The following ANK2 variants were observed in gnomAD, a reference collection of about 807,000 sequenced individuals.
ANK2 encodes ankyrin-2.
Under a neutral mutation model 360.5 loss-of-function variants are expected in ANK2, and 83 were observed. The ratio of observed to expected loss-of-function variants is 0.23; its 90% CI spans 0.19 to 0.28. The LOEUF (loss-of-function observed/expected upper bound fraction) is 0.28, where lower values mean the gene tolerates loss of function less well. Ranked by LOEUF, ANK2 falls within the 10% of genes least tolerant of loss-of-function variation. ANK2 has a pLI of 1.00. For synonymous variants in ANK2, 1,740 were observed against 1,759.5 expected (o/e 0.99, Z 0.28); for missense variants, 4,201 against 4,795.7 (o/e 0.88, Z 3.66).
In ANK2 at chr4:113,382,158, A is replaced by C. The variant is rs539141259; in HGVS notation, c.*687A>C. The C allele has an allele frequency of 6.0e-6, 1 of 167,274 alleles. No individual in the cohort carries two copies. Among genetic ancestry groups the C allele is most frequent in the East Asian group, 1.5e-4 (1 of 6,538 alleles). 10.4% of individuals were successfully genotyped at this position (167,274 alleles called of 1,614,324 possible). ...AATTAAGATATTGCTAACACAATCG[A>C]GTGATAATACAGTTTTACTGCAAAA... On this transcript the variant is annotated 3_prime_UTR_variant, in exon 46 of 46. Coordinates refer to ENST00000357077, the MANE Select transcript of ANK2 (RefSeq NM_001148.6).
At chr4:113,246,917 G>A (rs1322721241) in intron 9 of ANK2, among the ~76,000 whole-genome samples, 2 of 152,152 alleles carry the variant, frequency 1.3e-5, no homozygotes, top group African/African-American at 4.8e-5. Context: ...GGAGAAATTA[G>A]TTTCAGCAGA....
chr4:112,993,281 C>CA (rs578134772), intron 2 of ANK2, among the ~76,000 whole-genome samples: 2,235 of 148,056 alleles, frequency 0.015, 56 homozygotes, highest in African/African-American at 0.05. Context: ...GACCCTGTCT[C>CA]AAAAAAAAAA....
At chr4:113,297,837 T>G (rs2072679014) in intron 22 of ANK2, among the ~76,000 whole-genome samples, 1 of 152,090 alleles carries the variant, frequency 6.6e-6, no homozygotes, top group African/African-American at 2.4e-5. Flanking sequence ...CAGGCTGAAG[T>G]GTAGTGGTAC....
intron 1 of ANK2, among the ~76,000 whole-genome samples, chr4:113,104,721 AAACAAC>A (rs61326560): frequency 0.19 from 29,471 of 151,392 alleles, 2,926 homozygotes; most frequent in Non-Finnish European, 0.22. Flanking sequence ...TCTCAAAGCT[AAACAAC>A]AACAACAACA....
At chr4:112,774,286 G>T in the ANK2 span, among the ~76,000 whole-genome samples, 6 of 152,010 alleles carry the variant, frequency 3.9e-5, no homozygotes, top group South Asian at 2.1e-4. Context: ...TAGCACTTTG[G>T]GAGTCCAAGG....
In ANK2 at chr4:113,355,592, A is replaced by G. The variant is rs752319494; in HGVS notation, c.6974A>G (p.Asp2325Gly). 5 of 1,613,978 alleles carry G rather than the reference A, an allele frequency of 3.1e-6. No homozygotes were observed. The highest frequency in any genetic ancestry group is 4.2e-6 in the Non-Finnish European group (5 of 1,179,968). ...SPKDTSPKRQ[D>G]DCTGSCSVAL... The stretch of plus-strand genomic sequence containing the variant: ...AAAGACACAAGCCCTAAAAGACAAG[A>G]TGATTGCACAGGCAGCTGTAGTGTA... Residue 2325 changes from aspartate (D) to glycine (G), a missense_variant, in exon 38 of 46, where the codon GAT (aspartate) becomes GGT (glycine). This residue lies in a region of ANK2 where 2,642 missense variants were observed against 2,714.5 expected (regional missense o/e 0.97). Coordinates refer to ENST00000357077, the MANE Select transcript of ANK2 (RefSeq NM_001148.6).
At chr4:113,345,485 A>G (rs2094738732) in intron 34 of ANK2, among the ~76,000 whole-genome samples, 1 of 152,218 alleles carries the variant, frequency 6.6e-6, no homozygotes, top group Non-Finnish European at 1.5e-5. Flanking sequence ...GTAAGTTCTG[A>G]AGATCTAATA....
the ANK2 span, among the ~76,000 whole-genome samples, chr4:112,717,677 A>G: frequency 2.0e-5 from 3 of 152,182 alleles, no homozygotes; most frequent in Admixed American, 2.0e-4. Context: ...CTAACAAGCC[A>G]ATATGCTTTA....
At chr4:112,804,023 T>C in the ANK2 span, among the ~76,000 whole-genome samples, 1 of 151,126 alleles carries the variant, frequency 6.6e-6, no homozygotes, top group Non-Finnish European at 1.5e-5. Flanking sequence ...GGTTTTTTTT[T>C]TTTTTCTTTT....
intron 4 of ANK2, chr4:113,217,291 G>C (rs1033588669): frequency 6.6e-6 from 1 of 151,966 alleles, no homozygotes; most frequent in Non-Finnish European, 1.5e-5. Context: ...ATTGTACCTC[G>C]TTCATTCTGA....
At chr4:112,785,755 A>G in the ANK2 span, among the ~76,000 whole-genome samples, 1 of 151,594 alleles carries the variant, frequency 6.6e-6, no homozygotes, top group Non-Finnish European at 1.5e-5. Context: ...CGTAACCTTG[A>G]ACTTCTGAGC....
At chr4:113,180,704 C>T (rs1302015555) in intron 2 of ANK2, among the ~76,000 whole-genome samples, 1 of 151,996 alleles carries the variant, frequency 6.6e-6, no homozygotes, top group Non-Finnish European at 1.5e-5. Context: ...AGCCTGGGAC[C>T]TTATAAAAAC....
intron 1 of ANK2, among the ~76,000 whole-genome samples, chr4:112,903,203 G>A (rs77402085): frequency 0.056 from 8,582 of 152,208 alleles, 590 homozygotes; most frequent in East Asian, 0.3. Flanking sequence ...AATAATTTGC[G>A]TCTCTGACGA....
chr4:113,350,393 T>C, intron 37 of ANK2, 144 bp downstream of exon 37: 1 of 676,346 alleles, frequency 1.5e-6, no homozygotes, highest in Non-Finnish European at 2.4e-6. Context: ...AATATATTTA[T>C]AAAAGCAGCT....
chr4:112,827,578 C>A, intron 1 of ANK2: 1 of 1,048,258 alleles, frequency 9.5e-7, no homozygotes, highest in Non-Finnish European at 1.5e-6. Context: ...GAAATATTCT[C>A]GAGCTCTATA....
chr4:113,114,852 G>A (rs1465919418), intron 1 of ANK2, among the ~76,000 whole-genome samples: 5 of 152,154 alleles, frequency 3.3e-5, no homozygotes, highest in African/African-American at 9.7e-5. Flanking sequence ...GAAAGGTCTT[G>A]TGCCAGAAGA....
At chr4:113,360,467 T>A (rs1324514743) in intron 38 of ANK2, among the ~76,000 whole-genome samples, 1 of 151,992 alleles carries the variant, frequency 6.6e-6, no homozygotes, top group East Asian at 1.9e-4. Context: ...TACTTCTGCA[T>A]CCCATTTATG....
At chr4:113,369,354 AT>A (rs577537541) in intron 42 of ANK2, among the ~76,000 whole-genome samples, 159 bp from the exon 43 acceptor site, 168 of 152,264 alleles carry the variant, frequency 1.1e-3, no homozygotes, top group African/African-American at 3.8e-3. Context: ...TTGTCATATT[AT>A]TTTTCTTCAA....
At chr4:113,257,179 G>A (rs764925289) in intron 11 of ANK2, among the ~76,000 whole-genome samples, 22 of 152,180 alleles carry the variant, frequency 1.4e-4, no homozygotes, top group South Asian at 2.1e-4. Flanking sequence ...ATGCGAAATT[G>A]TTAGCTGGCA....
Sources: gnomAD v4.1 joint callset for allele counts (sites outside exome capture counted in the v4.1 genomes callset) on GRCh38, gnomAD v4.1.1 for gene constraint, gnomAD v4.1.1 regional missense constraint, MANE v1.5 for transcripts, NCBI Gene and HGNC (gene_info 2026-07-23, HGNC 2026-07-21) for gene names.